The following NIN variants were observed in gnomAD, a reference collection of about 807,000 sequenced individuals.
NIN encodes the protein glycogen synthase kinase 3 beta-interacting protein.
NIN carries 137 observed loss-of-function variants against 257.6 expected under a neutral mutation model. The observed-to-expected ratio is 0.53, with a 90% CI of 0.46 to 0.61. NIN has a LOEUF of 0.61. Ranked by LOEUF, NIN falls within the 20% of genes least tolerant of loss-of-function variation. The pLI is 0.00. For synonymous variants in NIN, 918 were observed against 919.8 expected, an observed-to-expected ratio of 1.00 and a Z score of 0.04; for missense variants, 2,439 against 2,501.2, an observed-to-expected ratio of 0.98 and a Z score of 0.53.
At chr14:50,813,050 G>A (rs1022394558) in intron 3 of NIN, among the ~76,000 whole-genome samples, 4 of 152,156 alleles carry the variant, frequency 2.6e-5, no homozygotes. Flanking sequence ...CTCTTGTGGA[G>A]GAGGCGACCG....
intron 16 of NIN, among the ~76,000 whole-genome samples, chr14:50,761,342 G>A (rs1026512220): frequency 6.6e-6 from 1 of 152,158 alleles, no homozygotes; most frequent in African/African-American, 2.4e-5. Flanking sequence ...GAGTGTGATG[G>A]ACAACTAGGA....
chr14:50,776,585 T>C (rs1566835934), intron 7 of NIN, among the ~76,000 whole-genome samples: 1 of 152,212 alleles, frequency 6.6e-6, no homozygotes, highest in African/African-American at 2.4e-5. Context: ...CCAACTCAAA[T>C]CTACTGAAAT....
At position 50,738,120 on chromosome 14, in the gene NIN, A is replaced by G; in HGVS notation, c.5775+20T>C. On this transcript the variant is annotated intron_variant, in intron 27 of 30. Coordinates refer to ENST00000530997, the MANE Select transcript of NIN (RefSeq NM_020921.4). Reference sequence around the variant, plus strand: ...TATAGTGAGAACACAGATGTACGCCATATATTCTCAAAAACTCACCTTCCT... The same window carrying G: ...TATAGTGAGAACACAGATGTACGCCGTATATTCTCAAAAACTCACCTTCCT... 6.2e-7 allele frequency: 1 copy of G among 1,613,146 alleles called. No homozygotes were observed. The highest frequency in any genetic ancestry group is 8.5e-7 in the Non-Finnish European group (1 of 1,179,290).
At chr14:50,768,607 G>C (rs949051707) in intron 12 of NIN, among the ~76,000 whole-genome samples, 1 of 152,120 alleles carries the variant, frequency 6.6e-6, no homozygotes, top group Admixed American at 6.6e-5. Flanking sequence ...GGTAGGTGCA[G>C]TGGGGTGGGG....
intron 4 of NIN, among the ~76,000 whole-genome samples, chr14:50,803,963 C>T (rs1381382227): frequency 6.7e-6 from 1 of 148,902 alleles, no homozygotes; most frequent in African/African-American, 2.5e-5. Flanking sequence ...GAGGCGTGAT[C>T]TTGGCTACTG....
At chr14:50,768,784 T>C (rs28727408) in intron 12 of NIN, among the ~76,000 whole-genome samples, 2,241 of 152,222 alleles carry the variant, frequency 0.015, 54 homozygotes, top group African/African-American at 0.049. Flanking sequence ...CTGGTAGCCA[T>C]ATGGAGGTGG....
chr14:50,723,390 T>C lies in NIN; in HGVS notation c.*73A>G. 7.4e-7 allele frequency: 1 copy of C among 1,343,378 alleles called. No individual in the cohort carries two copies. Among genetic ancestry groups the C allele is most frequent in the Non-Finnish European group, 1.0e-6 (1 of 961,200 alleles). The allele number at this position is 1,343,378 out of a possible 1,614,324, so 83.2% of individuals were successfully genotyped here. A position where few individuals can be genotyped will look rare whatever the true frequency, so the allele number is the denominator to read the frequency against. On this transcript the variant is annotated 3_prime_UTR_variant, in exon 31 of 31. Transcript: ENST00000530997. ...GGCAGTTTTAGGTTAGGCTTAATTT[T>C]AAGTTGAGAACCTACTGAAATGTTC...
rs76190808 is a variant in NIN, at chr14:50,785,155, G to A, written c.436-6351C>T. On this transcript the variant is annotated intron_variant, in intron 5 of 30. Coordinates refer to ENST00000530997, the MANE Select transcript of NIN (RefSeq NM_020921.4). Reference sequence around the variant, plus strand: ...CCCTGCACACAGCGGCTGCACAGGCGGCACCGATTTCTGGAATGCTTTCTT... The same window carrying A: ...CCCTGCACACAGCGGCTGCACAGGCAGCACCGATTTCTGGAATGCTTTCTT... Among the ~76,000 whole-genome samples the A allele has an allele frequency of 6.6e-4, 100 of 152,356 alleles. 1 individual carries two copies. Among genetic ancestry groups the A allele is most frequent in the African/African-American group, 2.1e-3 (89 of 41,584 alleles).
At chr14:50,724,206 A>G (rs549186907) in intron 30 of NIN, 5 of 200,892 alleles carry the variant, frequency 2.5e-5, no homozygotes, top group Admixed American at 1.8e-4. Flanking sequence ...GTCTAGTCTA[A>G]TCTTTATAGT....
At chr14:50,753,316 C>T (rs1480301121) in intron 20 of NIN, among the ~76,000 whole-genome samples, 1 of 152,226 alleles carries the variant, frequency 6.6e-6, no homozygotes, top group African/African-American at 2.4e-5. Flanking sequence ...AGGAGAATCG[C>T]TTGAACCCAG....
At chr14:50,791,245 T>C (rs1261527642) in intron 5 of NIN, among the ~76,000 whole-genome samples, 1 of 152,206 alleles carries the variant, frequency 6.6e-6, no homozygotes. Flanking sequence ...GTAAATTACT[T>C]GCATCCCTGA....
At chr14:50,785,626 G>C (rs540166729) in intron 5 of NIN, among the ~76,000 whole-genome samples, 1 of 152,350 alleles carries the variant, frequency 6.6e-6, no homozygotes, top group East Asian at 1.9e-4. Flanking sequence ...AGCACAGGAA[G>C]TCTCTGAAAA....
At chr14:50,830,684 G>C (rs1159487020) in intron 1 of NIN, 167 bp from the exon 2 acceptor site, 1 of 163,360 alleles carries the variant, frequency 6.1e-6, no homozygotes, top group Non-Finnish European at 1.5e-5. Flanking sequence ...CGCGGCTCTC[G>C]GGGGCCGCGG....
At chr14:50,739,909 C>T (rs1400203427) in intron 25 of NIN, among the ~76,000 whole-genome samples, 3 of 152,228 alleles carry the variant, frequency 2.0e-5, no homozygotes, top group Admixed American at 6.5e-5. Flanking sequence ...GCACTGCCAA[C>T]TCAAAAGCTT....
intron 2 of NIN, chr14:50,823,157 T>G (rs749122595): frequency 2.1e-4 from 92 of 443,336 alleles, no homozygotes; most frequent in Admixed American, 2.0e-4. Flanking sequence ...AAATCTGTGG[T>G]TTTTTTTTTT....
chr14:50,734,233 G>A (rs2040864325), intron 28 of NIN, among the ~76,000 whole-genome samples: 1 of 151,920 alleles, frequency 6.6e-6, no homozygotes, highest in Non-Finnish European at 1.5e-5. Flanking sequence ...AGGATCACAG[G>A]TGCCCACCAC....
At position 50,772,447 on chromosome 14, in the gene NIN, G is replaced by A. The variant is rs774006048; in HGVS notation, c.835C>T (p.Arg279Cys). 5 of 1,614,124 alleles carry A rather than the reference G, an allele frequency of 3.1e-6. No homozygotes were observed. Among genetic ancestry groups the A allele is most frequent in the Non-Finnish European group, 4.2e-6 (5 of 1,179,998 alleles). ...SMQSFDESGR[R>C]TTTSSAMTST... ...GTCATTGCTGATGAGGTTGTGGTAC[G>A]TCGTCCACTCTCATCGAAAGACTGG... The change falls in exon 9 of 31, where the codon CGT (arginine) becomes TGT (cysteine). Residue 279 changes from arginine (R) to cysteine (C), a missense_variant. Coordinates refer to ENST00000530997, the MANE Select transcript of NIN (RefSeq NM_020921.4).
At chr14:50,741,806 G>C in intron 24 of NIN, 78 bp from the exon 25 acceptor site, 2 of 1,487,472 alleles carry the variant, frequency 1.3e-6, no homozygotes, top group Non-Finnish European at 1.8e-6. Context: ...AATGAATAAG[G>C]ACAAAAGAAC....
intron 27 of NIN, 86 bp downstream of exon 27, chr14:50,738,054 C>G: frequency 7.3e-7 from 1 of 1,361,066 alleles, no homozygotes; most frequent in Non-Finnish European, 1.0e-6. Flanking sequence ...TAATCATTTC[C>G]TTAGAAGTAC....
Sources: gnomAD v4.1 joint callset for allele counts (sites outside exome capture counted in the v4.1 genomes callset) on GRCh38, gnomAD v4.1.1 for gene constraint, MANE v1.5 for transcripts, NCBI Gene and HGNC (gene_info 2026-07-23, HGNC 2026-07-21) for gene names.